The following FCHSD2 variants were observed in gnomAD, a reference collection of about 807,000 sequenced individuals.
The protein encoded by FCHSD2 is F-BAR and double SH3 domains protein 2.
FCHSD2 carries 38 observed loss-of-function variants against 108.1 expected under a neutral mutation model. The ratio of observed to expected loss-of-function variants is 0.35; its 90% CI spans 0.27 to 0.46. The LOEUF (loss-of-function observed/expected upper bound fraction) is 0.46. Among genes scored for constraint, FCHSD2 ranks in the 20% least tolerant of loss-of-function variants. FCHSD2 has a pLI of 1.00. For missense variants in FCHSD2, 751 were observed against 897.8 expected, an observed-to-expected ratio of 0.84 and a Z score of 2.09; for synonymous variants, 279 against 314.7, an observed-to-expected ratio of 0.89 and a Z score of 1.20.
intron 4 of FCHSD2, among the ~76,000 whole-genome samples, chr11:73,012,471 C>T (rs893369024): frequency 6.6e-6 from 1 of 152,278 alleles, no homozygotes; most frequent in African/African-American, 2.4e-5. Flanking sequence ...TGTTTACCTA[C>T]TTGATAAAAA....
intron 3 of FCHSD2, among the ~76,000 whole-genome samples, chr11:73,021,097 G>A (rs1034527962): frequency 6.6e-6 from 1 of 151,980 alleles, no homozygotes; most frequent in Non-Finnish European, 1.5e-5. Flanking sequence ...AGGTTGATCT[G>A]AACTCCTGGC....
At chr11:73,124,195 ATGGGAAT>A (rs1351981485) in intron 2 of FCHSD2, among the ~76,000 whole-genome samples, 1 of 152,116 alleles carries the variant, frequency 6.6e-6, no homozygotes, top group East Asian at 1.9e-4. Flanking sequence ...TCACTCATGG[ATGGGAAT>A]TGAACAATGA....
rs1459764622 is a variant in FCHSD2, at chr11:73,140,117, T to C, written c.33A>G (p.Thr11=). Reference sequence around the variant, plus strand: ...CAACTTGAATGTTTTTCAGTTCTTGTGTAACTTTCACCTAAAATATACCAT... The same window carrying C: ...CAACTTGAATGTTTTTCAGTTCTTGCGTAACTTTCACCTAAAATATACCAT... MQPPPRKVKV[T]QELKNIQVEQ... is the part of the protein sequence containing the mutation. The change falls in exon 2 of 20, where the codon ACA becomes ACG. Residue 11 remains threonine (T), a synonymous_variant. Transcript: ENST00000409418. 1 of 1,538,118 alleles carries C rather than the reference T, an allele frequency of 6.5e-7. No homozygotes were observed. Among genetic ancestry groups the C allele is most frequent in the Non-Finnish European group, 8.8e-7 (1 of 1,139,460 alleles).
intron 13 of FCHSD2, among the ~76,000 whole-genome samples, chr11:72,855,040 G>A (rs745708763): frequency 2.3e-4 from 35 of 152,166 alleles, no homozygotes; most frequent in Non-Finnish European, 4.6e-4. Flanking sequence ...TTGGGAGGCC[G>A]AGGCAGGCAG....
At chr11:73,101,592 A>G (rs569352243) in intron 2 of FCHSD2, among the ~76,000 whole-genome samples, 16 of 152,080 alleles carry the variant, frequency 1.1e-4, no homozygotes, top group African/African-American at 3.9e-4. Flanking sequence ...TGCACATACC[A>G]TGCCCAGCTA....
chr11:73,015,722 A>G, intron 4 of FCHSD2, 87 bp downstream of exon 4: 1 of 710,768 alleles, frequency 1.4e-6, no homozygotes, highest in Non-Finnish European at 2.3e-6. Flanking sequence ...TAATTCTTTT[A>G]AAAACTAGAG....
At chr11:73,055,264 G>A (rs1858998121) in intron 3 of FCHSD2, among the ~76,000 whole-genome samples, 1 of 151,794 alleles carries the variant, frequency 6.6e-6, no homozygotes, top group Non-Finnish European at 1.5e-5. Flanking sequence ...TGAGATTTGG[G>A]TGGGGACACA....
chr11:73,115,452 G>A (rs184633554), intron 2 of FCHSD2, among the ~76,000 whole-genome samples: 77 of 152,234 alleles, frequency 5.1e-4, no homozygotes, highest in African/African-American at 1.5e-3. Flanking sequence ...CACTGCGCCC[G>A]CCCTATCTCA....
rs1855278585 is a variant in FCHSD2 at position 72,889,891 on chromosome 11, C to T, written c.979G>A (p.Glu327Lys). 1 of 1,613,724 alleles carries T rather than the reference C, an allele frequency of 6.2e-7. No individual in the cohort carries two copies. The highest frequency in any genetic ancestry group is 8.5e-7 in the Non-Finnish European group (1 of 1,179,700). Residue 327 changes from glutamate (E) to lysine (K), a missense_variant, in exon 11 of 20, where the codon GAA (glutamate) becomes AAA (lysine). Transcript: ENST00000409418. ...ACACGTGTGGCCCATTTTCGAGCTT[C>T]CTTATTTAGACTGTGCTCCTCTGTG... ...GTTEEHSLNK[E>K]ARKWATRVAR...
intron 10 of FCHSD2, among the ~76,000 whole-genome samples, chr11:72,899,043 C>A (rs1591379608): frequency 6.6e-6 from 1 of 152,120 alleles, no homozygotes; most frequent in African/African-American, 2.4e-5. Context: ...CTGCACCCAG[C>A]CAGATTTCTT....
chr11:72,863,290 A>G (rs908979917), intron 13 of FCHSD2, among the ~76,000 whole-genome samples: 3 of 152,172 alleles, frequency 2.0e-5, no homozygotes, highest in Admixed American at 2.0e-4. Context: ...GTTAAAAAAA[A>G]AAGTTCAAAA....
chr11:72,869,096 G>A (rs1419785485), intron 12 of FCHSD2, among the ~76,000 whole-genome samples: 2 of 151,788 alleles, frequency 1.3e-5, no homozygotes, highest in East Asian at 3.9e-4. Flanking sequence ...TAGTAGAGGC[G>A]GGGTTTTGCC....
chr11:72,882,841 T>C (rs1329046594), intron 12 of FCHSD2, among the ~76,000 whole-genome samples: 2 of 152,176 alleles, frequency 1.3e-5, no homozygotes, highest in Non-Finnish European at 2.9e-5. Context: ...TCTTTTTTTG[T>C]AGAAGCTGAT....
chr11:72,972,479 T>C (rs1031551330), intron 8 of FCHSD2, among the ~76,000 whole-genome samples: 3 of 151,844 alleles, frequency 2.0e-5, no homozygotes, highest in Non-Finnish European at 4.4e-5. Flanking sequence ...GTATAGGGAG[T>C]GGGGAAAACA....
chr11:72,994,456 C>G (rs1273899539), intron 5 of FCHSD2, among the ~76,000 whole-genome samples: 1 of 152,124 alleles, frequency 6.6e-6, no homozygotes, highest in Non-Finnish European at 1.5e-5. Context: ...AAAATAGACT[C>G]AGATGTTAAA....
chr11:73,051,240 AG>A (rs1351419683), intron 3 of FCHSD2, among the ~76,000 whole-genome samples: 1 of 152,142 alleles, frequency 6.6e-6, no homozygotes, highest in Non-Finnish European at 1.5e-5. Context: ...AGTTGAACCC[AG>A]GGGATTGAGG....
chr11:72,897,227 A>T (rs1855440213), intron 10 of FCHSD2, among the ~76,000 whole-genome samples: 1 of 152,038 alleles, frequency 6.6e-6, no homozygotes, highest in South Asian at 2.1e-4. Flanking sequence ...TTTAATTTTC[A>T]AACAAATAAG....
chr11:73,114,931 G>T (rs1464845341), intron 2 of FCHSD2, among the ~76,000 whole-genome samples: 1 of 152,172 alleles, frequency 6.6e-6, no homozygotes, highest in Non-Finnish European at 1.5e-5. Flanking sequence ...CATGGCTGGT[G>T]TCTCACTAGG....
rs1221315733 is a variant in FCHSD2, at chr11:72,923,079, CATA to C, written c.706-1132_706-1130del. ...TTGGTGCCTGGCTTCTGTTGCCCAGCATAATATTTTCAAGGCTCATTGATTTAT... is the reference window on the plus strand; with the variant it reads ...TTGGTGCCTGGCTTCTGTTGCCCAGCATATTTTCAAGGCTCATTGATTTAT... On this transcript the variant is annotated intron_variant, in intron 8 of 19. Coordinates refer to ENST00000409418, the MANE Select transcript of FCHSD2 (RefSeq NM_014824.3). 2.6e-5 allele frequency among the ~76,000 whole-genome samples: 4 copies of C among 152,294 alleles called. No homozygotes were observed. The East Asian group carries it at 7.7e-4, about 29-fold the overall frequency.
Sources: allele counts gnomAD v4.1 joint callset (sites outside exome capture counted in the v4.1 genomes callset), GRCh38; gene constraint gnomAD v4.1.1; transcripts MANE v1.5; gene names NCBI Gene and HGNC (gene_info 2026-07-23, HGNC 2026-07-21).